Variants in GPC5 observed in about 807,000 individuals in gnomAD.
The protein encoded by GPC5 is glypican 5, also known as glypican-5.
GPC5 carries 47 observed loss-of-function variants against 53.9 expected under a neutral mutation model. The ratio of observed to expected loss-of-function variants is 0.87; its 90% CI spans 0.69 to 1.11. GPC5 has a LOEUF of 1.11. Among genes scored for constraint, GPC5 ranks in the 50% most tolerant of loss-of-function variants. The pLI is 0.00. For missense variants in GPC5, 748 were observed against 713.1 expected (o/e 1.05, Z -0.56); for synonymous variants, 286 against 263.3 (o/e 1.09, Z -0.84).
At chr13:92,535,961 T>C (rs1881710278) in intron 7 of GPC5, among the ~76,000 whole-genome samples, 2 of 152,024 alleles carry the variant, frequency 1.3e-5, no homozygotes, top group Admixed American at 1.3e-4. Flanking sequence ...TGAAAAACTG[T>C]TTGCAAAAAT....
At chr13:91,854,407 C>G (rs762765431) in intron 5 of GPC5, among the ~76,000 whole-genome samples, 7 of 151,668 alleles carry the variant, frequency 4.6e-5, no homozygotes, top group Non-Finnish European at 1.0e-4. Context: ...CAATTAAACT[C>G]TTAGTTATTT....
At chr13:92,824,581 G>T (rs748053919) in intron 7 of GPC5, among the ~76,000 whole-genome samples, 1 of 152,032 alleles carries the variant, frequency 6.6e-6, no homozygotes, top group African/African-American at 2.4e-5. Flanking sequence ...AGTAGCAGGA[G>T]AGTAGGAAAT....
chr13:92,154,838 G>A (rs1308516905), intron 7 of GPC5, among the ~76,000 whole-genome samples: 1 of 152,140 alleles, frequency 6.6e-6, no homozygotes, highest in African/African-American at 2.4e-5. Flanking sequence ...ATGGCTCTTA[G>A]AAGCATAGGT....
chr13:92,684,185 C>G (rs915145707), intron 7 of GPC5, among the ~76,000 whole-genome samples: 2 of 152,148 alleles, frequency 1.3e-5, no homozygotes, highest in African/African-American at 4.8e-5. Flanking sequence ...TATAGGCTTT[C>G]ATATTGGCTT....
chr13:91,644,704 T>C (rs1401935947), intron 2 of GPC5, among the ~76,000 whole-genome samples: 1 of 152,230 alleles, frequency 6.6e-6, no homozygotes, highest in East Asian at 1.9e-4. Context: ...TCTTTTGTTT[T>C]AAAACCTTCC....
In GPC5 at chr13:91,948,255, A is replaced by G. The variant is rs150611160; in HGVS notation, c.1401+40198A>G. Among the ~76,000 whole-genome samples, 590 of 150,146 alleles carry G rather than the reference A, an allele frequency of 3.9e-3. 3 individuals carry two copies. The highest frequency in any genetic ancestry group is 0.014 in the African/African-American group (570 of 41,222). On this transcript the variant is annotated intron_variant, in intron 6 of 7. Coordinates refer to ENST00000377067, the MANE Select transcript of GPC5 (RefSeq NM_004466.6). ...AAAAAAAAAAAAAATAAATAATAAT[A>G]ATAATAAATAAATAAATATACTTAT...
chr13:92,295,893 G>A (rs532590856), intron 7 of GPC5, among the ~76,000 whole-genome samples: 2 of 152,274 alleles, frequency 1.3e-5, no homozygotes, highest in African/African-American at 2.4e-5. Context: ...GATGGCTGGT[G>A]AATTCTTACT....
chr13:91,466,182 C>T (rs1168737527), intron 2 of GPC5, among the ~76,000 whole-genome samples: 1 of 152,150 alleles, frequency 6.6e-6, no homozygotes, highest in African/African-American at 2.4e-5. Context: ...GAAACAGTTC[C>T]ATCACACACA....
At chr13:92,787,160 A>G (rs1594506890) in intron 7 of GPC5, among the ~76,000 whole-genome samples, 2 of 152,152 alleles carry the variant, frequency 1.3e-5, no homozygotes, top group Admixed American at 6.6e-5. Context: ...ACCCAACAAC[A>G]CAAGGAAAAC....
chr13:91,691,802 A>G (rs2035763229), intron 2 of GPC5, among the ~76,000 whole-genome samples: 1 of 151,478 alleles, frequency 6.6e-6, no homozygotes, highest in Non-Finnish European at 1.5e-5. Flanking sequence ...GTTTTTTCCT[A>G]CTCTTCTTCC....
intron 7 of GPC5, among the ~76,000 whole-genome samples, chr13:92,854,778 T>A (rs928036707): frequency 2.0e-5 from 3 of 152,010 alleles, no homozygotes; most frequent in African/African-American, 7.2e-5. Context: ...TCCTTATAAA[T>A]TCAGGAAATT....
At chr13:92,148,653 C>T (rs2041885361) in intron 7 of GPC5, among the ~76,000 whole-genome samples, 1 of 151,946 alleles carries the variant, frequency 6.6e-6, no homozygotes, top group Admixed American at 6.6e-5. Flanking sequence ...CACTAGTAAC[C>T]TGGGGTTGCA....
rs10656963 is a variant in GPC5 at position 92,147,152 on chromosome 13, A to AAT, written c.1561+2163_1561+2164insAT. Among the ~76,000 whole-genome samples the AAT allele has an allele frequency of 7.2e-3, 1,099 of 151,772 alleles. 53 individuals carry two copies. The highest frequency in any genetic ancestry group is 0.064 in the Admixed American group (969 of 15,222). On this transcript the variant is annotated intron_variant, in intron 7 of 7. Transcript: ENST00000377067. The stretch of plus-strand genomic sequence containing the variant: ...ATGGTCAAATAGCAAATTATAATTT[A>AAT]TGTGAGGTGAAAGAAAATGAAAAAG...
intron 7 of GPC5, among the ~76,000 whole-genome samples, chr13:92,685,095 T>TTATTTATTTATA (rs1307856712): frequency 3.3e-5 from 5 of 151,930 alleles, no homozygotes; most frequent in African/African-American, 9.7e-5. Flanking sequence ...TTCTATTTAT[T>TTATTTATTTATA]TATTTATTTA....
chr13:92,761,031 ATCT>A (rs1323318383), intron 7 of GPC5, among the ~76,000 whole-genome samples: 1 of 152,088 alleles, frequency 6.6e-6, no homozygotes, highest in East Asian at 1.9e-4. Flanking sequence ...TATGATTTAG[ATCT>A]TCTTAAATTA....
intron 5 of GPC5, among the ~76,000 whole-genome samples, chr13:91,827,406 A>G (rs918933517): frequency 2.0e-5 from 3 of 151,974 alleles, no homozygotes; most frequent in African/African-American, 7.2e-5. Context: ...TGGAATAAAT[A>G]TGCATAAAAT....
chr13:92,330,936 G>C (rs1278277522), intron 7 of GPC5, among the ~76,000 whole-genome samples: 1 of 151,944 alleles, frequency 6.6e-6, no homozygotes, highest in Non-Finnish European at 1.5e-5. Flanking sequence ...TTTCAAACTT[G>C]ACTGATTCTA....
At chr13:92,855,315 C>A (rs1878960722) in intron 7 of GPC5, among the ~76,000 whole-genome samples, 1 of 151,974 alleles carries the variant, frequency 6.6e-6, no homozygotes, top group African/African-American at 2.4e-5. Flanking sequence ...AAGTGGTTAA[C>A]TTTGAATTTT....
At chr13:92,484,739 T>A (rs1879490294) in intron 7 of GPC5, 1 of 152,010 alleles carries the variant, frequency 6.6e-6, no homozygotes, top group African/African-American at 2.4e-5. Flanking sequence ...ATTTTATTTT[T>A]TTATTTTTTT....
Sources: allele counts gnomAD v4.1 joint callset (sites outside exome capture counted in the v4.1 genomes callset), GRCh38; gene constraint gnomAD v4.1.1; transcripts MANE v1.5; gene names NCBI Gene and HGNC (gene_info 2026-07-23, HGNC 2026-07-21).